XKR9: variants seen among roughly 807,000 people sequenced by gnomAD.
XKR9 encodes the protein XK-related protein 9.
A neutral mutation model predicts 32.0 loss-of-function variants in XKR9; 32 were observed. The ratio of observed to expected loss-of-function variants is 1.00; its 90% CI spans 0.76 to 1.34. The LOEUF (loss-of-function observed/expected upper bound fraction) is 1.34. Among genes scored for constraint, XKR9 ranks in the 40% most tolerant of loss-of-function variants. The pLI, the probability that XKR9 is intolerant of heterozygous loss-of-function variation, is 0.00. For missense variants in XKR9, 546 were observed against 429.7 expected (o/e 1.27, Z -2.39); for synonymous variants, 168 against 143.4 (o/e 1.17, Z -1.22).
chr8:70,970,708 T>G, the XKR9 span, among the ~76,000 whole-genome samples: 2 of 152,200 alleles, frequency 1.3e-5, no homozygotes, highest in African/African-American at 4.8e-5. Context: ...CTTTATTCAG[T>G]CTGTTATTGA....
the XKR9 span, among the ~76,000 whole-genome samples, chr8:71,053,680 CCAGT>C: frequency 6.6e-6 from 1 of 152,170 alleles, no homozygotes; most frequent in Non-Finnish European, 1.5e-5. Context: ...TTCCTTGAAA[CCAGT>C]CAAAGGACAG....
At chr8:70,683,493 C>CTTTT in intron 3 of XKR9, 2 of 369,422 alleles carry the variant, frequency 5.4e-6, no homozygotes, top group Admixed American at 3.1e-5. Flanking sequence ...AATTACTTTT[C>CTTTT]TTTTTTTTTT....
chr8:70,846,282 G>A, the XKR9 span, among the ~76,000 whole-genome samples: 5 of 152,150 alleles, frequency 3.3e-5, no homozygotes, highest in South Asian at 6.2e-4. Flanking sequence ...CCACTAGACT[G>A]AATCTACAAG....
chr8:70,892,365 G>A, the XKR9 span, among the ~76,000 whole-genome samples: 1 of 152,034 alleles, frequency 6.6e-6, no homozygotes, highest in Non-Finnish European at 1.5e-5. Context: ...ATTACAGTTT[G>A]GAGATTTTAT....
At chr8:70,741,504 T>C (rs912390066) in intron 2 of XKR9, among the ~76,000 whole-genome samples, 6 of 152,370 alleles carry the variant, frequency 3.9e-5, no homozygotes, top group Middle Eastern at 3.4e-3. Flanking sequence ...ATTTGTCTTT[T>C]GTTACTGGCT....
At position 70,734,426 on chromosome 8, in the gene XKR9, C is replaced by T; in HGVS notation, c.*2C>T. On this transcript the variant is annotated 3_prime_UTR_variant, in exon 5 of 5. Coordinates refer to ENST00000408926, the MANE Select transcript of XKR9 (RefSeq NM_001011720.2). Reference sequence around the variant, plus strand: ...ATGAGATATTTCCTAATGGAATAAGCTATTCATTTATGATATATATTTTCT... The same window carrying T: ...ATGAGATATTTCCTAATGGAATAAGTTATTCATTTATGATATATATTTTCT... 6.5e-7 allele frequency: 1 copy of T among 1,540,666 alleles called. No homozygotes were observed.
the XKR9 span, among the ~76,000 whole-genome samples, chr8:70,980,131 G>T: frequency 6.6e-6 from 1 of 152,220 alleles, no homozygotes; most frequent in African/African-American, 2.4e-5. Context: ...GCAGTATTTA[G>T]GTGGAAGTGT....
the XKR9 span, among the ~76,000 whole-genome samples, chr8:70,863,307 A>G: frequency 2.0e-5 from 3 of 152,208 alleles, no homozygotes; most frequent in Admixed American, 1.3e-4. Flanking sequence ...TCATATAGGT[A>G]TGCTATTCAC....
rs149953056 is a variant in XKR9, at chr8:70,783,415, A to C, written n.353-5924A>C. Among the ~76,000 whole-genome samples, 583 of 152,122 alleles carry C rather than the reference A, an allele frequency of 3.8e-3. 3 individuals carry two copies. The highest frequency in any genetic ancestry group is 0.014 in the African/African-American group (561 of 41,482). ...CTAATTTTTTGTATTTTTAGTAGAG[A>C]TGGGGTTTCACCGTGTTAGCCAGAA... On this transcript the variant is annotated intron_variant and non_coding_transcript_variant, in intron 2 of 3. Transcript: ENST00000520273.
intron 2 of XKR9, among the ~76,000 whole-genome samples, chr8:70,679,695 A>C (rs1294801202): frequency 1.3e-5 from 2 of 152,200 alleles, no homozygotes; most frequent in Non-Finnish European, 2.9e-5. Flanking sequence ...GCAATTAATT[A>C]GGAAAACAAA....
the XKR9 span, among the ~76,000 whole-genome samples, chr8:70,804,897 A>G: frequency 2.6e-5 from 4 of 152,340 alleles, no homozygotes; most frequent in Admixed American, 2.0e-4. Context: ...AGCATTACAC[A>G]TTCCTTGAAA....
the XKR9 span, among the ~76,000 whole-genome samples, chr8:70,886,733 G>GT: frequency 0.028 from 4,149 of 147,416 alleles, 185 homozygotes; most frequent in African/African-American, 0.095. Context: ...ACTTTTTGAT[G>GT]TTTTTTTTTT....
chr8:70,993,601 T>TGACTTC, the XKR9 span, among the ~76,000 whole-genome samples: 2 of 105,124 alleles, frequency 1.9e-5, no homozygotes, highest in Non-Finnish European at 4.5e-5. Flanking sequence ...TCATAGGACA[T>TGACTTC]CTTCCTTCCT....
the XKR9 span, among the ~76,000 whole-genome samples, chr8:70,813,354 G>T: frequency 1.3e-5 from 2 of 152,248 alleles, no homozygotes; most frequent in Middle Eastern, 3.4e-3. Flanking sequence ...GAAAACCTAG[G>T]TATTACCATT....
chr8:70,861,021 T>G, the XKR9 span, among the ~76,000 whole-genome samples: 3 of 152,178 alleles, frequency 2.0e-5, no homozygotes, highest in Admixed American at 6.6e-5. Context: ...TGTCTTCTCT[T>G]TCCTTGAATG....
intron 4 of XKR9, among the ~76,000 whole-genome samples, chr8:70,731,836 T>C (rs529560252): frequency 2.4e-4 from 36 of 152,246 alleles, no homozygotes; most frequent in African/African-American, 8.4e-4. Context: ...CATCGACAAT[T>C]CCTTCTGAGA....
chr8:70,929,238 C>G, the XKR9 span, among the ~76,000 whole-genome samples: 1 of 152,110 alleles, frequency 6.6e-6, no homozygotes, highest in Non-Finnish European at 1.5e-5. Flanking sequence ...TGCTAGCTAG[C>G]AGACACAAGG....
chr8:71,056,990 G>C, the XKR9 span, among the ~76,000 whole-genome samples: 1 of 152,130 alleles, frequency 6.6e-6, no homozygotes, highest in Admixed American at 6.5e-5. Flanking sequence ...GCCACTTCCT[G>C]AGTAGATACT....
At chr8:71,062,946 G>A in the XKR9 span, among the ~76,000 whole-genome samples, 153 of 152,098 alleles carry the variant, frequency 1.0e-3, 2 homozygotes, top group Non-Finnish European at 1.5e-3. Flanking sequence ...GCTATAAGCC[G>A]TACATTTACT....
Sources: allele counts gnomAD v4.1 joint callset (sites outside exome capture counted in the v4.1 genomes callset), GRCh38; gene constraint gnomAD v4.1.1; transcripts MANE v1.5; gene names NCBI Gene and HGNC (gene_info 2026-07-23, HGNC 2026-07-21).